Variants in WIPF3 observed in about 807,000 individuals in gnomAD.
WIPF3 encodes the protein WAS/WASL-interacting protein family member 3.
In WIPF3, 33 loss-of-function variants were observed where a neutral mutation model predicts 38.9. That is an observed-to-expected ratio of 0.85 (90% CI 0.64 to 1.14). The LOEUF (loss-of-function observed/expected upper bound fraction) is 1.14, where lower values mean the gene tolerates loss of function less well. Among genes scored for constraint, WIPF3 ranks in the 50% most tolerant of loss-of-function variants. The pLI is 0.00. For missense variants in WIPF3, 711 were observed against 652.5 expected (o/e 1.09, Z -0.98); for synonymous variants, 324 against 269.3 (o/e 1.20, Z -1.99).
chr7:29,806,689 C>G lies in WIPF3; in HGVS notation c.-58+11C>G, dbSNP rs550753583. 5 of 151,508 alleles carry G rather than the reference C, an allele frequency of 3.3e-5. No homozygotes were observed. Among genetic ancestry groups the G allele is most frequent in the African/African-American group, 1.2e-4 (5 of 41,352 alleles). The allele number at this position is 151,508 out of a possible 1,614,324, so 9.4% of individuals were successfully genotyped here. ...CTCCGCCACCTGCAGGTAGCGGCTT[C>G]CCGCGCGGGTGCGGGTCGGTGCCCG... On this transcript the variant is annotated intron_variant, in intron 1 of 8. Coordinates refer to ENST00000242140, the MANE Select transcript of WIPF3 (RefSeq NM_001080529.3).
chr7:29,896,038 T>A (rs1326391792), intron 7 of WIPF3, among the ~76,000 whole-genome samples: 1 of 151,686 alleles, frequency 6.6e-6, no homozygotes, highest in African/African-American at 2.4e-5. Context: ...GAAAATAGAT[T>A]AGTGGTTTCC....
intron 7 of WIPF3, among the ~76,000 whole-genome samples, chr7:29,899,076 G>A (rs576971660): frequency 6.6e-6 from 1 of 152,268 alleles, no homozygotes; most frequent in African/African-American, 2.4e-5. Context: ...GGCTTGCAGA[G>A]GGCTACCTTC....
rs1258094648 is a variant in WIPF3, at chr7:29,915,708, G to T, written c.*1192G>T. The T allele has an allele frequency of 1.3e-5, 2 of 152,242 alleles. No individual in the cohort carries two copies. The highest frequency in any genetic ancestry group is 4.8e-5 in the African/African-American group (2 of 41,418). 9.4% of individuals were successfully genotyped at this position (152,242 alleles called of 1,614,324 possible). ...CTCTTCACTCCCTCTTCTTGATCCT[G>T]TAGGGAGTGGAAATGTGTTTTTGCT... On this transcript the variant is annotated 3_prime_UTR_variant, in exon 9 of 9. Transcript: ENST00000242140.
chr7:29,894,401 G>A (rs1445197518), intron 7 of WIPF3, among the ~76,000 whole-genome samples: 2 of 152,192 alleles, frequency 1.3e-5, no homozygotes, highest in African/African-American at 2.4e-5. Flanking sequence ...ACATTGTACA[G>A]ACTTGAAAGG....
At chr7:29,880,556 A>G (rs1289519663) in intron 4 of WIPF3, among the ~76,000 whole-genome samples, 2 of 152,220 alleles carry the variant, frequency 1.3e-5, no homozygotes, top group Non-Finnish European at 2.9e-5. Flanking sequence ...CCTTTGGAAT[A>G]GAAGGCTTCC....
At chr7:29,814,494 A>G (rs1039260332) in intron 1 of WIPF3, among the ~76,000 whole-genome samples, 2 of 152,340 alleles carry the variant, frequency 1.3e-5, no homozygotes, top group Middle Eastern at 3.4e-3. Flanking sequence ...TATTTGCTGC[A>G]TTGCATGGAC....
At chr7:29,877,954 G>T (rs1300158760) in intron 3 of WIPF3, among the ~76,000 whole-genome samples, 3 of 152,150 alleles carry the variant, frequency 2.0e-5, no homozygotes, top group African/African-American at 7.2e-5. Context: ...GTCTTCCTAT[G>T]TTTTGCTATG....
chr7:29,838,548 G>A (rs1359082448), intron 2 of WIPF3, among the ~76,000 whole-genome samples: 1 of 152,132 alleles, frequency 6.6e-6, no homozygotes, highest in African/African-American at 2.4e-5. Context: ...AATGGTATAT[G>A]AAGCAGCCAT....
At chr7:29,914,157 T>C (rs898868038) in intron 8 of WIPF3, among the ~76,000 whole-genome samples, 3 of 152,218 alleles carry the variant, frequency 2.0e-5, no homozygotes, top group Non-Finnish European at 4.4e-5. Context: ...ATCGGTTTCT[T>C]GCTTTTCCAC....
chr7:29,822,123 G>GTT, intron 1 of WIPF3, among the ~76,000 whole-genome samples: 4,095 of 62,770 alleles, frequency 0.065, 262 homozygotes, highest in Middle Eastern at 0.083. Flanking sequence ...TTTTTTCTTA[G>GTT]TTTTTTTTTT....
intron 2 of WIPF3, among the ~76,000 whole-genome samples, chr7:29,837,664 A>G (rs1412092883): frequency 6.6e-6 from 1 of 152,174 alleles, no homozygotes; most frequent in African/African-American, 2.4e-5. Context: ...TATTTTCTAC[A>G]TTTATGTAGA....
At position 29,806,638 on chromosome 7, in the gene WIPF3, G is replaced by C. The variant is rs1784283991; in HGVS notation, c.-98G>C. On this transcript the variant is annotated 5_prime_UTR_variant, in exon 1 of 9. Transcript: ENST00000242140. The stretch of plus-strand genomic sequence containing the variant: ...GCGGCGGCGGCGGAGACGTCGGCCG[G>C]AGCTCGAGTCCAGTCCAGCCCCCGG... The C allele has an allele frequency of 6.6e-6, 1 of 151,476 alleles. No homozygotes were observed. The highest frequency in any genetic ancestry group is 2.4e-5 in the African/African-American group (1 of 41,358). The allele number at this position is 151,476 out of a possible 1,614,324, so 9.4% of individuals were successfully genotyped here.
intron 2 of WIPF3, among the ~76,000 whole-genome samples, chr7:29,874,225 A>C (rs1785546761): frequency 6.6e-6 from 1 of 151,588 alleles, no homozygotes; most frequent in South Asian, 2.1e-4. Flanking sequence ...TCATTCATTC[A>C]CTCACTCACT....
Position 29,855,766 on chromosome 7 carries a change from C to T in WIPF3, c.91-20064C>T, listed in dbSNP as rs146967258. 1.4e-4 allele frequency among the ~76,000 whole-genome samples: 21 copies of T among 152,320 alleles called. 1 individual carries two copies. Among genetic ancestry groups the T allele is most frequent in the African/African-American group, 4.6e-4 (19 of 41,562 alleles). On this transcript the variant is annotated intron_variant, in intron 2 of 8. Transcript: ENST00000242140. ...TCACTTTTTACAAATCATCTCACTC[C>T]TGCCCTTTCTTTGTCTCCATTTTTT...
At chr7:29,872,889 A>G (rs1785524989) in intron 2 of WIPF3, among the ~76,000 whole-genome samples, 1 of 150,880 alleles carries the variant, frequency 6.6e-6, no homozygotes, top group Non-Finnish European at 1.5e-5. Context: ...ACACTGGAGC[A>G]GAAGACAGCT....
intron 7 of WIPF3, among the ~76,000 whole-genome samples, chr7:29,902,274 C>CTTTT (rs11407234): frequency 1.9e-5 from 2 of 104,108 alleles, no homozygotes; most frequent in Non-Finnish European, 1.8e-5. Context: ...TCTTCTTCTT[C>CTTTT]TTTTTTTTTT....
chr7:29,872,875 G>A (rs1785524419), intron 2 of WIPF3, among the ~76,000 whole-genome samples: 1 of 150,436 alleles, frequency 6.6e-6, no homozygotes, highest in Non-Finnish European at 1.5e-5. Flanking sequence ...GCTCATCAGG[G>A]CCGACACTGG....
At chr7:29,909,293 A>G (rs1439214328) in intron 8 of WIPF3, among the ~76,000 whole-genome samples, 4 of 152,170 alleles carry the variant, frequency 2.6e-5, no homozygotes, top group African/African-American at 7.2e-5. Context: ...GGAAATGAAG[A>G]AAATTAAAAC....
At position 29,889,988 on chromosome 7, in the gene WIPF3, G is replaced by T. The variant is rs189203355; in HGVS notation, c.1351+581G>T. Among the ~76,000 whole-genome samples the T allele has an allele frequency of 3.7e-4, 56 of 152,230 alleles. 1 individual carries two copies. The highest frequency in any genetic ancestry group is 3.4e-3 in the Middle Eastern group (1 of 294). ...AGGTTGAGAATAATAGCCCAGTAAGGGCCCTCCTCCTCCTGATTTCATTGT... is the reference window on the plus strand; with the variant it reads ...AGGTTGAGAATAATAGCCCAGTAAGTGCCCTCCTCCTCCTGATTTCATTGT... On this transcript the variant is annotated intron_variant, in intron 7 of 8. Coordinates refer to ENST00000242140, the MANE Select transcript of WIPF3 (RefSeq NM_001080529.3).
Sources: allele counts gnomAD v4.1 joint callset (sites outside exome capture counted in the v4.1 genomes callset), GRCh38; gene constraint gnomAD v4.1.1; transcripts MANE v1.5; gene names NCBI Gene and HGNC (gene_info 2026-07-23, HGNC 2026-07-21).